GALNT18: variants seen among roughly 807,000 people sequenced by gnomAD.
GALNT18 encodes polypeptide N-acetylgalactosaminyltransferase 18.
A neutral mutation model predicts 69.5 loss-of-function variants in GALNT18; 44 were observed. The observed-to-expected ratio is 0.63, with a 90% CI of 0.50 to 0.81. The LOEUF is 0.81. Among genes scored for constraint, GALNT18 ranks in the 40% least tolerant of loss-of-function variants. The pLI, the probability that GALNT18 is intolerant of heterozygous loss-of-function variation, is 0.00. For missense variants in GALNT18, 715 were observed against 810.0 expected, an observed-to-expected ratio of 0.88 and a Z score of 1.42; for synonymous variants, 364 against 318.2, an observed-to-expected ratio of 1.14 and a Z score of -1.53.
At chr11:11,566,370 G>A (rs1003393540) in intron 1 of GALNT18, among the ~76,000 whole-genome samples, 9 of 152,196 alleles carry the variant, frequency 5.9e-5, no homozygotes, top group Non-Finnish European at 1.2e-4. Flanking sequence ...TTTGGCCCAA[G>A]TAGCCAAGCC....
At chr11:11,317,734 G>C (rs1208145832) in intron 9 of GALNT18, among the ~76,000 whole-genome samples, 1 of 152,138 alleles carries the variant, frequency 6.6e-6, no homozygotes, top group Non-Finnish European at 1.5e-5. Context: ...AAACTCTTTA[G>C]GTTCCACTTG....
Position 11,555,936 on chromosome 11 carries a change from G to A in GALNT18, c.235+65423C>T, listed in dbSNP as rs1274988987. Among the ~76,000 whole-genome samples the A allele has an allele frequency of 6.6e-6, 1 of 152,186 alleles. No homozygotes were observed. Among genetic ancestry groups the A allele is most frequent in the Non-Finnish European group, 1.5e-5 (1 of 68,040 alleles). ...AGCAGGATCATCTGAACGTTGATCT[G>A]GTTTGCTTTCCCTTATTTCCTCTGA... On this transcript the variant is annotated intron_variant, in intron 1 of 10. Coordinates refer to ENST00000227756, the MANE Select transcript of GALNT18 (RefSeq NM_198516.3). This position sits in a 1 kb window ranked among gnomAD's most constrained non-coding sequence, Gnocchi z 4.7.
chr11:11,281,074 C>A (rs546715501), intron 10 of GALNT18, among the ~76,000 whole-genome samples: 2 of 152,184 alleles, frequency 1.3e-5, no homozygotes, highest in Non-Finnish European at 1.5e-5. Flanking sequence ...CTGGCCCCAC[C>A]GCAGTCCTGC....
intron 3 of GALNT18, among the ~76,000 whole-genome samples, chr11:11,392,157 T>C (rs1048215574): frequency 2.0e-5 from 3 of 152,204 alleles, no homozygotes; most frequent in Non-Finnish European, 2.9e-5. Flanking sequence ...AGGAGGGACC[T>C]ATGGTTTTAC....
At chr11:11,418,198 G>A (rs1281240488) in intron 3 of GALNT18, among the ~76,000 whole-genome samples, 1 of 152,200 alleles carries the variant, frequency 6.6e-6, no homozygotes, top group Admixed American at 6.5e-5. Context: ...CCCTCATGGG[G>A]CATACAGCAT....
chr11:11,528,980 C>T (rs565650882), intron 1 of GALNT18, among the ~76,000 whole-genome samples: 2 of 152,302 alleles, frequency 1.3e-5, no homozygotes, highest in East Asian at 1.9e-4. Flanking sequence ...ATGAGAGGCC[C>T]TCAGGGCTAG....
intron 1 of GALNT18, among the ~76,000 whole-genome samples, chr11:11,490,502 T>G (rs938163431): frequency 2.6e-5 from 4 of 152,208 alleles, no homozygotes; most frequent in African/African-American, 9.7e-5. Context: ...GTGTCTCACA[T>G]GTATAATAAC....
chr11:11,301,620 T>A (rs1849496037), intron 9 of GALNT18, among the ~76,000 whole-genome samples: 1 of 152,242 alleles, frequency 6.6e-6, no homozygotes, highest in Non-Finnish European at 1.5e-5. Flanking sequence ...GTGAACCCAT[T>A]TCCCTGGTGG....
intron 1 of GALNT18, among the ~76,000 whole-genome samples, chr11:11,514,218 G>A (rs900098192): frequency 6.6e-6 from 1 of 152,238 alleles, no homozygotes; most frequent in African/African-American, 2.4e-5. Context: ...AAGTGTTGGG[G>A]CCTATGCTTA....
rs572745200 is a variant in GALNT18, at chr11:11,391,689, G to T, written c.596-12425C>A. 3.3e-5 allele frequency among the ~76,000 whole-genome samples: 5 copies of T among 152,332 alleles called. No homozygotes were observed. In the South Asian group the frequency reaches 8.3e-4, roughly 25 times the overall value. ...GCGCAAAATGAGGCTAGGAAGAGGG[G>T]GCCAGGGTATTTATATATCGATTCC... On this transcript the variant is annotated intron_variant, in intron 3 of 10. Coordinates refer to ENST00000227756, the MANE Select transcript of GALNT18 (RefSeq NM_198516.3).
intron 10 of GALNT18, among the ~76,000 whole-genome samples, chr11:11,282,646 G>A (rs1849106438): frequency 6.6e-6 from 1 of 152,134 alleles, no homozygotes; most frequent in African/African-American, 2.4e-5. Context: ...GGAGCTGGTG[G>A]TGCCCCAATG....
At chr11:11,300,323 C>T (rs957616376) in intron 9 of GALNT18, among the ~76,000 whole-genome samples, 1 of 152,132 alleles carries the variant, frequency 6.6e-6, no homozygotes, top group African/African-American at 2.4e-5. Context: ...TGAAACTGTC[C>T]TGGGCCTAGA....
rs1253460195 is a variant in GALNT18 at position 11,582,738 on chromosome 11, C to A, written c.235+38621G>T. The stretch of plus-strand genomic sequence containing the variant: ...CTAACCAACACAGCCTTTCAGCCCT[C>A]ATCAAAGGTGATGCAACTTATTCTT... On this transcript the variant is annotated intron_variant, in intron 1 of 10. Transcript: ENST00000227756. This position sits in a 1 kb window ranked among gnomAD's most constrained non-coding sequence, Gnocchi z 5.0. 6.6e-6 allele frequency among the ~76,000 whole-genome samples: 1 copy of A among 152,236 alleles called. No homozygotes were observed. The highest frequency in any genetic ancestry group is 1.5e-5 in the Non-Finnish European group (1 of 68,044).
Position 11,315,222 on chromosome 11 carries a change from T to A in GALNT18, c.1512+11864A>T, listed in dbSNP as rs1849732302. On this transcript the variant is annotated intron_variant, in intron 9 of 10. Transcript: ENST00000227756. The surrounding 1 kb of genome is among the most constrained non-coding windows in gnomAD (Gnocchi z 5.6). ...CTTGAGGTCAAGAGAAATTATGTGT[T>A]CAGTTCCAGGTCACAAGCTAACCAG... Among the ~76,000 whole-genome samples the A allele has an allele frequency of 1.3e-5, 2 of 152,226 alleles. No homozygotes were observed. Among genetic ancestry groups the A allele is most frequent in the African/African-American group, 4.8e-5 (2 of 41,446 alleles).
chr11:11,319,792 GT>G (rs1564893772), intron 9 of GALNT18, among the ~76,000 whole-genome samples: 1 of 152,088 alleles, frequency 6.6e-6, no homozygotes, highest in Non-Finnish European at 1.5e-5. Context: ...GAGTTTTAAC[GT>G]CCCCCTTAAA....
chr11:11,593,894 C>T (rs914071243), intron 1 of GALNT18, among the ~76,000 whole-genome samples: 8 of 152,188 alleles, frequency 5.3e-5, no homozygotes, highest in African/African-American at 1.9e-4. Flanking sequence ...AATATGATTC[C>T]CCTGCCTTGC....
chr11:11,309,096 C>T lies in GALNT18; in HGVS notation c.1513-15903G>A, dbSNP rs117015131. ...AGGTGTTTGGATCACTGGAGCACTG[C>T]CCTCATGAATGGATTAGTGCCATCA... On this transcript the variant is annotated intron_variant, in intron 9 of 10. Transcript: ENST00000227756. This position sits in a 1 kb window ranked among gnomAD's most constrained non-coding sequence, Gnocchi z 4.6. Among the ~76,000 whole-genome samples the T allele has an allele frequency of 1.1e-3, 166 of 151,918 alleles. No homozygotes were observed. Among genetic ancestry groups the T allele is most frequent in the Non-Finnish European group, 1.7e-3 (114 of 67,902 alleles).
chr11:11,548,542 G>C (rs1428496881), intron 1 of GALNT18, among the ~76,000 whole-genome samples: 2 of 152,258 alleles, frequency 1.3e-5, no homozygotes, highest in East Asian at 3.9e-4. Context: ...GACCTCCTGG[G>C]GTTCCTGAGC....
chr11:11,611,454 A>C (rs2133963560), intron 1 of GALNT18, among the ~76,000 whole-genome samples: 1 of 152,296 alleles, frequency 6.6e-6, no homozygotes, highest in African/African-American at 2.4e-5. Flanking sequence ...TCAGCGTTCA[A>C]GAGCAGAGAG....
Sources: gnomAD v4.1 joint callset for allele counts (sites outside exome capture counted in the v4.1 genomes callset) on GRCh38, gnomAD v4.1.1 for gene constraint, Gnocchi (gnomAD v3.1) non-coding constraint, MANE v1.5 for transcripts, NCBI Gene and HGNC (gene_info 2026-07-23, HGNC 2026-07-21) for gene names.